Variants in CNTNAP3B observed in about 807,000 individuals in gnomAD.
The protein encoded by CNTNAP3B is contactin-associated protein-like 3B.
CNTNAP3B carries 25 observed loss-of-function variants against 108.9 expected under a neutral mutation model. That is an observed-to-expected ratio of 0.23 (90% confidence interval 0.17 to 0.32). The LOEUF (loss-of-function observed/expected upper bound fraction) is 0.32. CNTNAP3B is among the 10% of genes least tolerant of loss of function. CNTNAP3B has a pLI of 1.00. For missense variants in CNTNAP3B, 252 were observed against 1,210.4 expected (o/e 0.21, Z 11.75); for synonymous variants, 103 against 473.4 (o/e 0.22, Z 10.16).
intron 1 of CNTNAP3B, among the ~76,000 whole-genome samples, chr9:42,112,313 G>A (rs931852158): frequency 7.2e-6 from 1 of 139,384 alleles, no homozygotes; most frequent in Non-Finnish European, 1.5e-5. Context: ...GAAATACTGA[G>A]GTCTGTCTCA....
intron 15 of CNTNAP3B, among the ~76,000 whole-genome samples, chr9:41,926,288 C>A (rs1439054848): frequency 6.6e-6 from 1 of 152,078 alleles, no homozygotes; most frequent in Non-Finnish European, 1.5e-5. Context: ...ATTCCTTGAC[C>A]CTATCCCTGC....
intron 13 of CNTNAP3B, among the ~76,000 whole-genome samples, chr9:41,948,024 T>G (rs1207582637): frequency 4.6e-4 from 27 of 58,330 alleles, no homozygotes; most frequent in African/African-American, 1.2e-3. Flanking sequence ...ATTCATAATT[T>G]AAAATTACTG....
At chr9:42,116,256 T>C (rs1175202688) in intron 1 of CNTNAP3B, among the ~76,000 whole-genome samples, 1 of 133,714 alleles carries the variant, frequency 7.5e-6, no homozygotes, top group Non-Finnish European at 1.6e-5. Flanking sequence ...GGAAAAAATA[T>C]TAAGGGCAGC....
Sources: allele counts gnomAD v4.1 joint callset (sites outside exome capture counted in the v4.1 genomes callset), GRCh38; gene constraint gnomAD v4.1.1; transcripts MANE v1.5; gene names NCBI Gene and HGNC (gene_info 2026-07-23, HGNC 2026-07-21).